PCM1: variants seen among roughly 807,000 people sequenced by gnomAD.
PCM1 encodes pericentriolar material 1 protein.
In PCM1, 157 loss-of-function variants were observed where a neutral mutation model predicts 241.9. The ratio of observed to expected loss-of-function variants is 0.65; its 90% CI spans 0.57 to 0.74. PCM1 has a LOEUF of 0.74. Ranked by LOEUF, PCM1 falls within the 30% of genes least tolerant of loss-of-function variation. The pLI is 0.00. For synonymous variants in PCM1, 1,085 were observed against 784.9 expected, an observed-to-expected ratio of 1.38 and a Z score of -6.39; for missense variants, 3,478 against 2,360.1, an observed-to-expected ratio of 1.47 and a Z score of -9.81.
chr8:17,948,577 A>T (rs1335395119), intron 7 of PCM1, among the ~76,000 whole-genome samples: 1 of 152,078 alleles, frequency 6.6e-6, no homozygotes, highest in African/African-American at 2.4e-5. Context: ...TGCTGGGATT[A>T]CAGGCGTCAG....
intron 36 of PCM1, among the ~76,000 whole-genome samples, chr8:18,021,783 C>T (rs1014701383): frequency 1.4e-4 from 22 of 152,284 alleles, no homozygotes; most frequent in African/African-American, 5.1e-4. Flanking sequence ...ATTACATCAA[C>T]CCCTACAGAA....
intron 15 of PCM1, among the ~76,000 whole-genome samples, chr8:17,961,375 A>G (rs62498181): frequency 0.2 from 28,689 of 140,498 alleles, 3,185 homozygotes; most frequent in East Asian, 0.39. Context: ...CAGTGGTGCA[A>G]TCTCGGCTCA....
chr8:17,943,581 T>C (rs2062862411), intron 6 of PCM1, among the ~76,000 whole-genome samples: 1 of 152,240 alleles, frequency 6.6e-6, no homozygotes, highest in Admixed American at 6.5e-5. Context: ...TTTAGGTTTC[T>C]TTGAATAATA....
chr8:17,987,199 G>T lies in PCM1; in HGVS notation c.4410+1112G>T, dbSNP rs1363495767. ...CAGTCAGTGTTTGCTCCTTTGGATT[G>T]TTATAACTAATTGAAAATTGTGTAT... On this transcript the variant is annotated intron_variant, in intron 26 of 38. Transcript: ENST00000325083. 2.0e-5 allele frequency among the ~76,000 whole-genome samples: 3 copies of T among 151,840 alleles called. No individual in the cohort carries two copies. In the East Asian group the frequency reaches 5.8e-4, roughly 29 times the overall value.
intron 29 of PCM1, among the ~76,000 whole-genome samples, chr8:18,003,295 A>G (rs929547361): frequency 3.9e-5 from 6 of 152,226 alleles, no homozygotes; most frequent in Non-Finnish European, 5.9e-5. Flanking sequence ...AGCTCTTTAG[A>G]CGCTCTAAGT....
chr8:17,940,216 GT>G, intron 6 of PCM1: 1 of 887,782 alleles, frequency 1.1e-6, no homozygotes, highest in South Asian at 1.5e-5. Context: ...TTTTCTCCCA[GT>G]TTTCAAGATG....
At chr8:17,964,393 C>G (rs2073976984) in intron 17 of PCM1, among the ~76,000 whole-genome samples, 175 bp from the exon 18 acceptor site, 1 of 152,142 alleles carries the variant, frequency 6.6e-6, no homozygotes, top group Non-Finnish European at 1.5e-5. Context: ...TAAACATATT[C>G]TGTATATAAC....
At chr8:17,977,995 A>C (rs2079349659) in intron 23 of PCM1, among the ~76,000 whole-genome samples, 1 of 152,142 alleles carries the variant, frequency 6.6e-6, no homozygotes, top group South Asian at 2.1e-4. Context: ...GAAAGAGGCA[A>C]AACCTAGTGA....
chr8:18,012,270 T>G (rs1406251721), intron 34 of PCM1, among the ~76,000 whole-genome samples: 1 of 152,234 alleles, frequency 6.6e-6, no homozygotes, highest in Non-Finnish European at 1.5e-5. Flanking sequence ...CCGGCATGTC[T>G]ACACTGTATA....
At chr8:17,990,968 C>G (rs1368655592) in intron 27 of PCM1, among the ~76,000 whole-genome samples, 2 of 152,040 alleles carry the variant, frequency 1.3e-5, no homozygotes, top group African/African-American at 2.4e-5. Context: ...CCTGCCAACC[C>G]TCACCCCTTA....
Position 17,991,532 on chromosome 8 carries a change from C to A in PCM1, c.4532-10C>A. 1 of 1,566,904 alleles carries A rather than the reference C, an allele frequency of 6.4e-7. No individual in the cohort carries two copies. Among genetic ancestry groups the A allele is most frequent in the South Asian group, 1.2e-5 (1 of 83,332 alleles). On this transcript the variant is annotated splice_polypyrimidine_tract_variant and intron_variant, in intron 27 of 38. Coordinates refer to ENST00000325083, the MANE Select transcript of PCM1 (RefSeq NM_006197.4). ...TACATACTCAAAAAATATTTTTGTTCCAAATGTAGGTAACACCGTGATTCA... is the reference window on the plus strand; with the variant it reads ...TACATACTCAAAAAATATTTTTGTTACAAATGTAGGTAACACCGTGATTCA...
Position 17,989,844 on chromosome 8 carries a change from T to G in PCM1, c.4411-15T>G. On this transcript the variant is annotated splice_polypyrimidine_tract_variant and intron_variant, in intron 26 of 38. Transcript: ENST00000325083. ...AGAAGTATTAGTGATTTTTGTTTGT[T>G]TTACTGTAACTTAGGAAACTTTTGA... The G allele has an allele frequency of 1.3e-6, 2 of 1,508,034 alleles. No individual in the cohort carries two copies. Among genetic ancestry groups the G allele is most frequent in the South Asian group, 2.5e-5 (2 of 79,912 alleles). The allele number at this position is 1,508,034 out of a possible 1,614,324, so 93.4% of individuals were successfully genotyped here.
At chr8:18,008,043 G>C (rs1588387077) in intron 30 of PCM1, among the ~76,000 whole-genome samples, 2 of 152,316 alleles carry the variant, frequency 1.3e-5, no homozygotes, top group South Asian at 4.1e-4. Context: ...CACAGTGTTG[G>C]AGGGATAGCT....
intron 11 of PCM1, 104 bp from the exon 12 acceptor site, chr8:17,957,160 C>T (rs568569513): frequency 6.5e-4 from 549 of 848,416 alleles, no homozygotes; most frequent in Non-Finnish European, 8.9e-4. Context: ...GAATAGCCAA[C>T]AATGTGCTTG....
At chr8:18,026,163 CTGAAACAAAAAAAAAAAAAAAAAAAA>C (rs2094187908) in intron 38 of PCM1, among the ~76,000 whole-genome samples, 1 of 53,676 alleles carries the variant, frequency 1.9e-5, no homozygotes, top group African/African-American at 7.7e-5. Flanking sequence ...GACTCCCTCT[CTGAAACAAAAAAAAAAAAAAAAAAAA>C]AAAAAAAAAA....
chr8:17,945,044 G>C (rs541510994), intron 6 of PCM1, among the ~76,000 whole-genome samples: 1 of 152,176 alleles, frequency 6.6e-6, no homozygotes, highest in South Asian at 2.1e-4. Flanking sequence ...TCAACCTAGA[G>C]AGATTTTGTT....
chr8:17,994,941 G>A lies in PCM1; in HGVS notation c.4827+1322G>A, dbSNP rs543204847. 4.0e-5 allele frequency among the ~76,000 whole-genome samples: 6 copies of A among 151,460 alleles called. No individual in the cohort carries two copies. The East Asian group carries it at 9.6e-4, about 24-fold the overall frequency. On this transcript the variant is annotated intron_variant, in intron 29 of 38. Coordinates refer to ENST00000325083, the MANE Select transcript of PCM1 (RefSeq NM_006197.4). ...TATGCTGGTTATTAATCCCTTGTCG[G>A]ATGGTTTGCACATATTTTCTCTCAT...
intron 22 of PCM1, 142 bp downstream of exon 22, chr8:17,969,890 A>G: frequency 9.3e-6 from 6 of 646,396 alleles, no homozygotes; most frequent in Non-Finnish European, 1.3e-5. Context: ...ACTTTGACGT[A>G]TCAGTAGATG....
At position 17,962,156 on chromosome 8, in the gene PCM1, T is replaced by G. The variant is rs1338795015; in HGVS notation, c.2445T>G (p.Ser815=). Residue 815 remains serine, a synonymous_variant, in exon 16 of 39, where the codon TCT becomes TCG. Transcript: ENST00000325083. ...AATCTGTTTTTGAGCCTGAAGATTC[T>G]TCAATAGTAGATAATGAGGTATTGT... ...TSKSVFEPED[S]SIVDNELWSE... 1 of 1,606,502 alleles carries G rather than the reference T, an allele frequency of 6.2e-7. No homozygotes were observed. Among genetic ancestry groups the G allele is most frequent in the South Asian group, 1.1e-5 (1 of 89,970 alleles).
Sources: allele counts gnomAD v4.1 joint callset (sites outside exome capture counted in the v4.1 genomes callset), GRCh38; gene constraint gnomAD v4.1.1; transcripts MANE v1.5; gene names NCBI Gene and HGNC (gene_info 2026-07-23, HGNC 2026-07-21).